ICA1: variants seen among roughly 807,000 people sequenced by gnomAD.
The protein encoded by ICA1 is islet cell autoantigen 1, also known as 69 kDa islet cell autoantigen.
ICA1 carries 40 observed loss-of-function variants against 71.0 expected under a neutral mutation model. The ratio of observed to expected loss-of-function variants is 0.56; its 90% CI spans 0.44 to 0.73. The LOEUF (loss-of-function observed/expected upper bound fraction) is 0.73, where lower values mean the gene tolerates loss of function less well. Among genes scored for constraint, ICA1 ranks in the 30% least tolerant of loss-of-function variants. The probability of loss-of-function intolerance (pLI) is 0.00; values close to 1 mark genes in which losing one functional copy is unlikely to be tolerated. For missense variants in ICA1, 578 were observed against 576.5 expected (o/e 1.00, Z -0.03); for synonymous variants, 207 against 209.5 (o/e 0.99, Z 0.10).
At chr7:8,174,526 G>C (rs1225847857) in intron 6 of ICA1, among the ~76,000 whole-genome samples, 1 of 151,982 alleles carries the variant, frequency 6.6e-6, no homozygotes, top group Non-Finnish European at 1.5e-5. Flanking sequence ...GGGCGTGGTG[G>C]TTCACGCCTG....
intron 6 of ICA1, among the ~76,000 whole-genome samples, chr7:8,203,978 C>T (rs573948522): frequency 8.6e-5 from 13 of 151,990 alleles, no homozygotes; most frequent in South Asian, 2.1e-4. Context: ...CCTCAAAAAA[C>T]GACTCCCAGA....
At chr7:8,201,889 C>A (rs1188634554) in intron 6 of ICA1, among the ~76,000 whole-genome samples, 1 of 152,144 alleles carries the variant, frequency 6.6e-6, no homozygotes, top group Non-Finnish European at 1.5e-5. Flanking sequence ...GGAGACCAGG[C>A]ATTCCCCTGG....
At chr7:8,125,280 C>G (rs1290952962) in intron 13 of ICA1, among the ~76,000 whole-genome samples, 3 of 152,222 alleles carry the variant, frequency 2.0e-5, no homozygotes, top group Non-Finnish European at 4.4e-5. Context: ...CCCTGTGTGG[C>G]CTGGCCTCCG....
At chr7:8,249,516 C>T (rs1160427184) in intron 1 of ICA1, among the ~76,000 whole-genome samples, 1 of 152,226 alleles carries the variant, frequency 6.6e-6, no homozygotes, top group Non-Finnish European at 1.5e-5. Flanking sequence ...TTATTTCACA[C>T]TCGGTGGGCA....
At chr7:8,149,649 C>G (rs1406712038) in intron 8 of ICA1, among the ~76,000 whole-genome samples, 3 of 152,184 alleles carry the variant, frequency 2.0e-5, no homozygotes, top group African/African-American at 7.2e-5. Flanking sequence ...TTCTAATAAC[C>G]TAAATTTAAT....
intron 9 of ICA1, 180 bp from the exon 10 acceptor site, chr7:8,141,997 T>C (rs1795417684): frequency 1.3e-6 from 2 of 1,497,146 alleles, no homozygotes; most frequent in Non-Finnish European, 1.8e-6. Flanking sequence ...TCTTTCCCTT[T>C]CTGTAGCATC....
chr7:8,255,820 G>A (rs186366282), intron 1 of ICA1, among the ~76,000 whole-genome samples: 2 of 139,398 alleles, frequency 1.4e-5, no homozygotes, highest in East Asian at 4.1e-4. Context: ...TGTTGCCCAG[G>A]CTGGAGTGCA....
intron 6 of ICA1, among the ~76,000 whole-genome samples, chr7:8,184,213 G>C (rs1471491376): frequency 6.6e-6 from 1 of 152,152 alleles, no homozygotes; most frequent in East Asian, 1.9e-4. Flanking sequence ...GGTGCATTTT[G>C]AAGTGCTTTG....
intron 1 of ICA1, among the ~76,000 whole-genome samples, chr7:8,256,389 C>T (rs1470545967): frequency 1.3e-5 from 2 of 152,148 alleles, no homozygotes; most frequent in African/African-American, 4.8e-5. Flanking sequence ...CTCCTCCCCA[C>T]CCTCCGATAG....
chr7:8,226,961 C>T lies in ICA1; in HGVS notation c.256+1640G>A, dbSNP rs1367356952. Reference sequence around the variant, plus strand: ...TTTCTGTTTAGAGAATCACTATTTACAGGAAATATGCAAGCATCCTTCTTT... The same window carrying T: ...TTTCTGTTTAGAGAATCACTATTTATAGGAAATATGCAAGCATCCTTCTTT... On this transcript the variant is annotated intron_variant, in intron 4 of 13. Transcript: ENST00000402384. The surrounding 1 kb of genome is among the most constrained non-coding windows in gnomAD (Gnocchi z 4.4). Among the ~76,000 whole-genome samples the T allele has an allele frequency of 6.6e-6, 1 of 152,194 alleles. No homozygotes were observed. Among genetic ancestry groups the T allele is most frequent in the Non-Finnish European group, 1.5e-5 (1 of 68,030 alleles).
At chr7:8,243,755 C>G (rs1402878478) in intron 1 of ICA1, among the ~76,000 whole-genome samples, 1 of 152,174 alleles carries the variant, frequency 6.6e-6, no homozygotes, top group East Asian at 1.9e-4. Flanking sequence ...AAATCATAAG[C>G]GTTCCTATAC....
At chr7:8,244,781 T>G (rs570597447) in intron 1 of ICA1, among the ~76,000 whole-genome samples, 21 of 152,282 alleles carry the variant, frequency 1.4e-4, no homozygotes, top group Non-Finnish European at 2.9e-4. Flanking sequence ...AAGAATACAT[T>G]TATGCAGCTA....
At position 8,158,612 on chromosome 7, in the gene ICA1, T is replaced by C. The variant is rs1174011417; in HGVS notation, c.620A>G (p.Lys207Arg). 2 of 1,614,140 alleles carry C rather than the reference T, an allele frequency of 1.2e-6. No homozygotes were observed. The highest frequency in any genetic ancestry group is 1.7e-6 in the Non-Finnish European group (2 of 1,180,004). ...QVRLAKKNFD[K>R]LKMDVCQKVD... ...TTTTTGACAAACATCCATCTTCAAT[T>C]TGTCAAAGTTTTTTTTTGCAAGGCG... is the stretch of plus-strand genomic sequence containing the variant. The change falls in exon 7 of 14, where the codon AAA becomes AGA. Residue 207 changes from lysine (K) to arginine (R), a missense_variant. Lys to Arg is a conservative substitution (Grantham distance 26, BLOSUM62 2). Transcript: ENST00000402384.
intron 4 of ICA1, among the ~76,000 whole-genome samples, chr7:8,221,714 G>C (rs185066837): frequency 4.6e-5 from 7 of 152,192 alleles, no homozygotes; most frequent in Non-Finnish European, 7.3e-5. Context: ...TGAAATAAAG[G>C]AGTTGGGTTT....
chr7:8,153,861 A>AT (rs1554295054), intron 8 of ICA1, among the ~76,000 whole-genome samples: 1 of 148,432 alleles, frequency 6.7e-6, no homozygotes, highest in African/African-American at 2.5e-5. Context: ...ATATATATGT[A>AT]GTAACATTTC....
At chr7:8,213,285 T>A (rs985480028) in intron 6 of ICA1, among the ~76,000 whole-genome samples, 1 of 152,216 alleles carries the variant, frequency 6.6e-6, no homozygotes. Context: ...ATAAGCCCCC[T>A]ACCCTACCTC....
At chr7:8,214,067 G>C (rs1794662738) in intron 6 of ICA1, among the ~76,000 whole-genome samples, 1 of 152,166 alleles carries the variant, frequency 6.6e-6, no homozygotes, top group African/African-American at 2.4e-5. Flanking sequence ...GCTTGTCCTT[G>C]TCTATGAGGA....
chr7:8,209,507 T>A (rs1792850345), intron 6 of ICA1, among the ~76,000 whole-genome samples: 1 of 152,216 alleles, frequency 6.6e-6, no homozygotes, highest in African/African-American at 2.4e-5. Context: ...AATACATTTA[T>A]AAGATGCATA....
chr7:8,240,261 T>C (rs1256729859), intron 1 of ICA1, among the ~76,000 whole-genome samples: 1 of 109,536 alleles, frequency 9.1e-6, no homozygotes, highest in Admixed American at 8.7e-5. Context: ...CTGCTGGCGA[T>C]ACCCAGGCAA....
Sources: gnomAD v4.1 joint callset for allele counts (sites outside exome capture counted in the v4.1 genomes callset) on GRCh38, gnomAD v4.1.1 for gene constraint, Gnocchi (gnomAD v3.1) non-coding constraint, MANE v1.5 for transcripts, NCBI Gene and HGNC (gene_info 2026-07-23, HGNC 2026-07-21) for gene names.